Variants in COG5 observed in about 807,000 individuals in gnomAD.
COG5 encodes conserved oligomeric Golgi complex subunit 5.
In COG5, 86 loss-of-function variants were observed where a neutral mutation model predicts 110.4. That is an observed-to-expected ratio of 0.78 (90% confidence interval 0.65 to 0.93). The LOEUF is 0.93. Among genes scored for constraint, COG5 ranks in the 40% least tolerant of loss-of-function variants. COG5 has a pLI of 0.00. For missense variants in COG5, 1,077 were observed against 987.0 expected (o/e 1.09, Z -1.22); for synonymous variants, 360 against 334.6 (o/e 1.08, Z -0.83).
intron 19 of COG5, among the ~76,000 whole-genome samples, chr7:107,219,226 T>C (rs771915176): frequency 4.6e-5 from 7 of 152,180 alleles, no homozygotes; most frequent in Non-Finnish European, 8.8e-5. Context: ...GGAACCCTTG[T>C]ACACTGTTGG....
chr7:107,260,338 A>G (rs1803234856), intron 14 of COG5, among the ~76,000 whole-genome samples: 1 of 152,138 alleles, frequency 6.6e-6, no homozygotes, highest in Non-Finnish European at 1.5e-5. Context: ...CACATATTAA[A>G]TGGTTACATT....
At chr7:107,535,488 G>T (rs1024932516) in intron 5 of COG5, among the ~76,000 whole-genome samples, 11 of 150,410 alleles carry the variant, frequency 7.3e-5, no homozygotes, top group Middle Eastern at 3.4e-3. Flanking sequence ...TATCACCACT[G>T]ATCCCACAGA....
intron 6 of COG5, among the ~76,000 whole-genome samples, chr7:107,444,970 T>C (rs1027266871): frequency 6.6e-6 from 1 of 152,082 alleles, no homozygotes; most frequent in Non-Finnish European, 1.5e-5. Context: ...GGGGAACTGT[T>C]TGAACCCAGG....
chr7:107,412,510 C>CCA lies in COG5; in HGVS notation c.659_660dup (p.Glu221TrpfsTer22). On this transcript the variant is annotated frameshift_variant, in exon 7 of 22. Transcript: ENST00000297135. LOFTEE classifies it high-confidence loss of function. The stretch of plus-strand genomic sequence containing the variant: ...AGTCTTATTTTTATTACCTGAGTCT[C>CCA]CAAACCCTGCTCTAGTAGGCGCTTA... The CCA allele has an allele frequency of 6.2e-7, 1 of 1,612,832 alleles. No individual in the cohort carries two copies. Among genetic ancestry groups the CCA allele is most frequent in the Non-Finnish European group, 8.5e-7 (1 of 1,179,604 alleles).
intron 19 of COG5, among the ~76,000 whole-genome samples, chr7:107,228,462 T>G (rs1410519528): frequency 6.6e-6 from 1 of 152,180 alleles, no homozygotes; most frequent in African/African-American, 2.4e-5. Flanking sequence ...AGGATTGCTG[T>G]GTTACCATCT....
In COG5 at chr7:107,201,449, C is replaced by T. The variant is rs1159172313; in HGVS notation, c.*2067G>A. ...AACATTAAACCAGGATGCTTATGTT[C>T]TTAAGTCTATATTTGCATATACATT... On this transcript the variant is annotated 3_prime_UTR_variant, in exon 22 of 22. Transcript: ENST00000297135. The T allele has an allele frequency of 2.6e-6, 4 of 1,538,994 alleles. No homozygotes were observed. The highest frequency in any genetic ancestry group is 3.6e-6 in the Non-Finnish European group (4 of 1,113,690).
At chr7:107,449,493 C>A (rs924073796) in intron 6 of COG5, among the ~76,000 whole-genome samples, 1 of 152,160 alleles carries the variant, frequency 6.6e-6, no homozygotes, top group African/African-American at 2.4e-5. Context: ...TTCACTTGAG[C>A]AGTTTGTCTC....
In COG5 at chr7:107,261,314, TTCTCTCTC is replaced by T. The variant is rs146146553; in HGVS notation, c.1576-2939_1576-2932del. On this transcript the variant is annotated intron_variant, in intron 14 of 21. Transcript: ENST00000297135. ...TATCCTGTTTGCTTTATCATTTGTA[TTCTCTCTC>T]TCTCTCTCTCTCTCTCAGATACAGG... Among the ~76,000 whole-genome samples, 495 of 149,204 alleles carry T rather than the reference TTCTCTCTC, an allele frequency of 3.3e-3. 4 individuals carry two copies. The highest frequency in any genetic ancestry group is 0.01 in the African/African-American group (412 of 40,870).
chr7:107,380,444 G>T (rs1815016778), intron 7 of COG5, among the ~76,000 whole-genome samples: 1 of 151,824 alleles, frequency 6.6e-6, no homozygotes, highest in African/African-American at 2.4e-5. Flanking sequence ...AAAGAAAGAA[G>T]AATCAATTAG....
chr7:107,293,180 G>A (rs1033625697), intron 12 of COG5, among the ~76,000 whole-genome samples: 6 of 152,224 alleles, frequency 3.9e-5, no homozygotes, highest in African/African-American at 1.2e-4. Flanking sequence ...CCAGGCAAAG[G>A]TAATTAGGGC....
chr7:107,478,495 A>G (rs1410740895), intron 6 of COG5, among the ~76,000 whole-genome samples: 1 of 151,992 alleles, frequency 6.6e-6, no homozygotes, highest in Non-Finnish European at 1.5e-5. Context: ...TAAATGGAAA[A>G]TTCCAGAAAT....
At chr7:107,240,484 G>A (rs190673411) in intron 17 of COG5, among the ~76,000 whole-genome samples, 1 of 152,296 alleles carries the variant, frequency 6.6e-6, no homozygotes, top group Non-Finnish European at 1.5e-5. Context: ...CGAAAGTGCT[G>A]GGATTACAGG....
At chr7:107,512,462 C>T (rs1183273405) in intron 6 of COG5, among the ~76,000 whole-genome samples, 1 of 151,830 alleles carries the variant, frequency 6.6e-6, no homozygotes, top group Non-Finnish European at 1.5e-5. Flanking sequence ...GTGAAAATGG[C>T]CATACTGCCC....
At chr7:107,259,231 A>C (rs1469007362) in intron 14 of COG5, among the ~76,000 whole-genome samples, 2 of 152,178 alleles carry the variant, frequency 1.3e-5, no homozygotes, top group Non-Finnish European at 2.9e-5. Flanking sequence ...ATTAAACTTG[A>C]TCAGGACATA....
chr7:107,460,971 T>G (rs567851997), intron 6 of COG5, among the ~76,000 whole-genome samples: 3 of 152,188 alleles, frequency 2.0e-5, no homozygotes, highest in East Asian at 3.9e-4. Flanking sequence ...TTGAACAACA[T>G]AAAACTTCTT....
chr7:107,542,976 A>C (rs1156799247), intron 5 of COG5, among the ~76,000 whole-genome samples: 2 of 151,966 alleles, frequency 1.3e-5, no homozygotes, highest in South Asian at 2.1e-4. Context: ...TGTCTCAAAA[A>C]AAAAAAAAAA....
At position 107,412,527 on chromosome 7, in the gene COG5, A is replaced by C; in HGVS notation, c.644T>G (p.Leu215Arg). 1 of 1,613,124 alleles carries C rather than the reference A, an allele frequency of 6.2e-7. No homozygotes were observed. The change falls in exon 7 of 22, where the codon CTA becomes CGA. Residue 215 changes from leucine to arginine, a missense_variant. Coordinates refer to ENST00000297135, the MANE Select transcript of COG5 (RefSeq NM_006348.5). Reference protein sequence around the residue: ...RLEVENQAKRLLEQGLETQNP... With the variant: ...RLEVENQAKRRLEQGLETQNP... ...CTGAGTCTCCAAACCCTGCTCTAGT[A>C]GGCGCTTAGCTTGATTTTCCACTTC...
At chr7:107,270,581 C>G (rs1168091934) in intron 14 of COG5, among the ~76,000 whole-genome samples, 1 of 151,840 alleles carries the variant, frequency 6.6e-6, no homozygotes, top group Non-Finnish European at 1.5e-5. Context: ...TTTGAATTAC[C>G]AAAAGTGAAC....
chr7:107,468,423 G>GTA (rs1796432355), intron 6 of COG5, among the ~76,000 whole-genome samples: 1 of 150,340 alleles, frequency 6.7e-6, no homozygotes, highest in Admixed American at 6.6e-5. Context: ...GTGCTGTGGT[G>GTA]TGTGTGTGTG....
Sources: gnomAD v4.1 joint callset for allele counts (sites outside exome capture counted in the v4.1 genomes callset) on GRCh38, gnomAD v4.1.1 for gene constraint, MANE v1.5 for transcripts, NCBI Gene and HGNC (gene_info 2026-07-23, HGNC 2026-07-21) for gene names.